CNOT6: variants seen among roughly 807,000 people sequenced by gnomAD.
CNOT6 encodes the protein CCR4-NOT transcription complex subunit 6, also known as carbon catabolite repression 4 protein.
Under a neutral mutation model 61.2 loss-of-function variants are expected in CNOT6, and 12 were observed. The observed-to-expected ratio is 0.20, with a 90% CI of 0.13 to 0.32. The LOEUF (loss-of-function observed/expected upper bound fraction) is 0.32. Ranked by LOEUF, CNOT6 falls within the 10% of genes least tolerant of loss-of-function variation. The probability of loss-of-function intolerance (pLI) is 1.00; values close to 1 mark genes in which losing one functional copy is unlikely to be tolerated. For synonymous variants in CNOT6, 225 were observed against 240.6 expected (o/e 0.94, Z 0.60); for missense variants, 405 against 663.9 (o/e 0.61, Z 4.28).
Position 180,549,912 on chromosome 5 carries a change from G to A in CNOT6, c.113-19G>A. On this transcript the variant is annotated intron_variant, in intron 2 of 11. Transcript: ENST00000261951. ...AGAGAAAACTATATAATCCGTTCCT[G>A]TATTTTTTTCTCTTACAGGAAAAGT... is the stretch of plus-strand genomic sequence containing the variant. 6.3e-7 allele frequency: 1 copy of A among 1,578,442 alleles called. No individual in the cohort carries two copies. The highest frequency in any genetic ancestry group is 8.7e-7 in the Non-Finnish European group (1 of 1,152,354).
intron 1 of CNOT6, among the ~76,000 whole-genome samples, chr5:180,500,712 G>A (rs1012779288): frequency 4.6e-5 from 7 of 152,204 alleles, no homozygotes; most frequent in Non-Finnish European, 8.8e-5. Context: ...CAATCTATGT[G>A]TCAGGTAACA....
chr5:180,527,092 C>G (rs534853098), intron 1 of CNOT6, among the ~76,000 whole-genome samples: 20 of 152,088 alleles, frequency 1.3e-4, no homozygotes, highest in African/African-American at 4.8e-4. Context: ...TGGTGCTGGT[C>G]TCAAACTCCT....
intron 3 of CNOT6, among the ~76,000 whole-genome samples, chr5:180,552,175 A>G (rs573115211): frequency 1.2e-3 from 177 of 149,806 alleles, no homozygotes; most frequent in African/African-American, 4.2e-3. Context: ...AGCCCGAGGG[A>G]CCTCCTTTTT....
Position 180,538,042 on chromosome 5 carries a change from T to A in CNOT6, c.112+8654T>A, listed in dbSNP as rs1281535315. Among the ~76,000 whole-genome samples, 9 of 145,106 alleles carry A rather than the reference T, an allele frequency of 6.2e-5. No homozygotes were observed. The East Asian group carries it at 1.9e-3, about 30-fold the overall frequency. On this transcript the variant is annotated intron_variant, in intron 2 of 11. Transcript: ENST00000261951. ...ACATGGTGGAACATCATCTTTTTTT[T>A]TTTTTTTTTTTTTTGAGACGGAGTC... is the stretch of plus-strand genomic sequence containing the variant.
At chr5:180,537,527 G>T (rs560274389) in intron 2 of CNOT6, among the ~76,000 whole-genome samples, 22 of 151,954 alleles carry the variant, frequency 1.4e-4, no homozygotes, top group Non-Finnish European at 2.4e-4. Context: ...TAAAAAATGC[G>T]GATATGTCTT....
chr5:180,520,658 G>C (rs553599205), intron 1 of CNOT6, among the ~76,000 whole-genome samples: 2 of 151,880 alleles, frequency 1.3e-5, no homozygotes, highest in South Asian at 2.1e-4. Context: ...AAAAGAAAAG[G>C]TGCCGCTTAT....
Position 180,513,803 on chromosome 5 carries a change from C to T in CNOT6, c.-2-15472C>T, listed in dbSNP as rs946924683. Among the ~76,000 whole-genome samples the T allele has an allele frequency of 4.6e-5, 7 of 151,738 alleles. 1 individual carries two copies. The highest frequency in any genetic ancestry group is 1.5e-4 in the African/African-American group (6 of 41,286). ...CTGCAAGCTCCGCCTCCTGGGTTCA[C>T]GCCATTCTCCTGCCTCAGCCTCTCC... On this transcript the variant is annotated intron_variant, in intron 1 of 11. Coordinates refer to ENST00000261951, the MANE Select transcript of CNOT6 (RefSeq NM_001370472.1).
chr5:180,575,045 T>C lies in CNOT6; in HGVS notation c.*845T>C, dbSNP rs1760944621. ...TTGATATATGTACATTCTGATATTT[T>C]TAAATCTTTAACTTTTTAAAGTTAA... On this transcript the variant is annotated 3_prime_UTR_variant, in exon 12 of 12. Transcript: ENST00000261951. 6.6e-6 allele frequency: 1 copy of C among 152,642 alleles called. No homozygotes were observed. The highest frequency in any genetic ancestry group is 1.5e-5 in the Non-Finnish European group (1 of 68,042). The allele number at this position is 152,642 out of a possible 1,614,324, so 9.5% of individuals were successfully genotyped here. A position where few individuals can be genotyped will look rare whatever the true frequency, so the allele number is the denominator to read the frequency against.
intron 10 of CNOT6, 46 bp downstream of exon 10, chr5:180,569,386 A>T: frequency 7.2e-7 from 1 of 1,387,048 alleles, no homozygotes; most frequent in Non-Finnish European, 1.0e-6. Flanking sequence ...TTGACATAAG[A>T]TGATTTAGTA....
intron 1 of CNOT6, among the ~76,000 whole-genome samples, chr5:180,525,470 T>C (rs1758058648): frequency 6.7e-6 from 1 of 148,530 alleles, no homozygotes. Flanking sequence ...GCCTGGGAGG[T>C]GAAGGCTGCA....
intron 1 of CNOT6, among the ~76,000 whole-genome samples, chr5:180,506,412 G>T (rs1041095300): frequency 2.0e-5 from 3 of 152,154 alleles, no homozygotes; most frequent in Non-Finnish European, 2.9e-5. Flanking sequence ...GATTATAATA[G>T]TGTCTGCTCA....
intron 2 of CNOT6, among the ~76,000 whole-genome samples, chr5:180,533,932 G>A (rs116534584): frequency 0.018 from 2,694 of 152,230 alleles, 72 homozygotes; most frequent in African/African-American, 0.06. Flanking sequence ...CTTAGGTGGT[G>A]GCATGGTTCA....
intron 1 of CNOT6, among the ~76,000 whole-genome samples, chr5:180,519,149 G>A (rs1757776809): frequency 6.6e-6 from 1 of 152,222 alleles, no homozygotes; most frequent in Non-Finnish European, 1.5e-5. Context: ...AGAGGTTGGG[G>A]TAAGAGGAAA....
Position 180,568,018 on chromosome 5 carries a change from C to T in CNOT6, c.1027+15C>T, listed in dbSNP as rs752647666. 6.3e-7 allele frequency: 1 copy of T among 1,590,202 alleles called. No homozygotes were observed. ...TGAAATGCCGTGTGAGTGCCCTTCA[C>T]TTCCTGTAAAATTGACCAGCTCTGA... On this transcript the variant is annotated intron_variant, in intron 9 of 11. Transcript: ENST00000261951.
intron 1 of CNOT6, among the ~76,000 whole-genome samples, chr5:180,524,828 A>G (rs867335539): frequency 9.2e-5 from 14 of 152,332 alleles, no homozygotes; most frequent in African/African-American, 2.4e-4. Context: ...ATTTCTTACC[A>G]TTATTAAATT....
In CNOT6 at chr5:180,500,225, C is replaced by A. The variant is rs939853416; in HGVS notation, c.-3+5462C>A. On this transcript the variant is annotated intron_variant, in intron 1 of 11. Coordinates refer to ENST00000261951, the MANE Select transcript of CNOT6 (RefSeq NM_001370472.1). Reference sequence around the variant, plus strand: ...TGCAGCCTTGACCTCCCAGGTTCACCCGAGCCTCCTGAGTACCTGGTATCA... The same window carrying A: ...TGCAGCCTTGACCTCCCAGGTTCACACGAGCCTCCTGAGTACCTGGTATCA... Among the ~76,000 whole-genome samples, 4 of 151,834 alleles carry A rather than the reference C, an allele frequency of 2.6e-5. 1 individual carries two copies. The highest frequency in any genetic ancestry group is 5.9e-5 in the Non-Finnish European group (4 of 67,980).
intron 1 of CNOT6, among the ~76,000 whole-genome samples, chr5:180,528,513 C>T (rs1358344501): frequency 2.0e-5 from 3 of 151,888 alleles, no homozygotes; most frequent in African/African-American, 7.3e-5. Context: ...GATGGAGTTT[C>T]ACCACATTAG....
intron 1 of CNOT6, among the ~76,000 whole-genome samples, chr5:180,527,377 G>A (rs1758147640): frequency 6.6e-6 from 1 of 152,008 alleles, no homozygotes; most frequent in African/African-American, 2.4e-5. Flanking sequence ...TTGTCATCTA[G>A]AACTTCTGTA....
chr5:180,538,922 T>TTTA (rs543332773), intron 2 of CNOT6, among the ~76,000 whole-genome samples: 11 of 151,542 alleles, frequency 7.3e-5, no homozygotes, highest in African/African-American at 2.7e-4. Context: ...ACGCCTATAA[T>TTTA]CCCAACACTT....
Sources: gnomAD v4.1 joint callset for allele counts (sites outside exome capture counted in the v4.1 genomes callset) on GRCh38, gnomAD v4.1.1 for gene constraint, MANE v1.5 for transcripts, NCBI Gene and HGNC (gene_info 2026-07-23, HGNC 2026-07-21) for gene names.